Variants in ADCY2 observed in about 807,000 individuals in gnomAD.
ADCY2 encodes the protein adenylate cyclase 2.
In ADCY2, 31 loss-of-function variants were observed where a neutral mutation model predicts 125.2. The ratio of observed to expected loss-of-function variants is 0.25; its 90% CI spans 0.19 to 0.33. ADCY2 has a LOEUF of 0.33. Among genes scored for constraint, ADCY2 ranks in the 10% least tolerant of loss-of-function variants. The probability of loss-of-function intolerance (pLI) is 1.00; values close to 1 mark genes in which losing one functional copy is unlikely to be tolerated. For missense variants in ADCY2, 904 were observed against 1,418.2 expected (o/e 0.64, Z 5.82); for synonymous variants, 512 against 548.4 (o/e 0.93, Z 0.93).
intron 3 of ADCY2, among the ~76,000 whole-genome samples, chr5:7,599,567 T>C (rs1737126707): frequency 6.6e-6 from 1 of 152,130 alleles, no homozygotes; most frequent in Admixed American, 6.5e-5. Flanking sequence ...CTGGCTGTGA[T>C]TGATCATCTG....
intron 12 of ADCY2, among the ~76,000 whole-genome samples, chr5:7,723,898 G>A (rs544111316): frequency 1.4e-3 from 148 of 107,628 alleles, no homozygotes; most frequent in African/African-American, 5.7e-3. Flanking sequence ...TCCAGCCTGG[G>A]TGACAGAGTG....
chr5:7,634,885 T>C (rs1367743838), intron 4 of ADCY2, among the ~76,000 whole-genome samples: 1 of 152,038 alleles, frequency 6.6e-6, no homozygotes, highest in Non-Finnish European at 1.5e-5. Flanking sequence ...CAAAGCATGG[T>C]GGCTGGAGAA....
chr5:7,710,008 A>G (rs1165836934), intron 10 of ADCY2, among the ~76,000 whole-genome samples: 2 of 152,252 alleles, frequency 1.3e-5, no homozygotes, highest in Non-Finnish European at 2.9e-5. Context: ...TTTAGATTTT[A>G]AAACTATCTG....
chr5:7,475,531 G>A (rs777403953), intron 2 of ADCY2, among the ~76,000 whole-genome samples: 17 of 152,160 alleles, frequency 1.1e-4, no homozygotes, highest in African/African-American at 3.9e-4. Flanking sequence ...ACAGGCACGC[G>A]CCAACACGTC....
At chr5:7,516,556 G>A (rs1744260251) in intron 2 of ADCY2, among the ~76,000 whole-genome samples, 1 of 152,174 alleles carries the variant, frequency 6.6e-6, no homozygotes, top group Non-Finnish European at 1.5e-5. Flanking sequence ...TTCCATGGTT[G>A]CCAGGGAGGC....
chr5:7,409,634 C>T (rs1579413749), intron 1 of ADCY2, among the ~76,000 whole-genome samples: 1 of 152,150 alleles, frequency 6.6e-6, no homozygotes, highest in Non-Finnish European at 1.5e-5. Flanking sequence ...TATTGTTCCA[C>T]CTAATGGTTG....
chr5:7,504,989 C>T (rs1743752311), intron 2 of ADCY2, among the ~76,000 whole-genome samples: 1 of 151,988 alleles, frequency 6.6e-6, no homozygotes, highest in Non-Finnish European at 1.5e-5. Context: ...GTGATCCTCC[C>T]ACCCCAGCCT....
At chr5:7,443,161 A>G (rs904824450) in intron 2 of ADCY2, among the ~76,000 whole-genome samples, 1 of 151,966 alleles carries the variant, frequency 6.6e-6, no homozygotes, top group South Asian at 2.1e-4. Flanking sequence ...GCTCCATGTC[A>G]TTGTTTTCAT....
intron 2 of ADCY2, among the ~76,000 whole-genome samples, chr5:7,434,317 A>G (rs1740717180): frequency 6.6e-6 from 1 of 152,228 alleles, no homozygotes; most frequent in South Asian, 2.1e-4. Context: ...TTTTCATCCA[A>G]TGAAATACTA....
At chr5:7,666,330 G>A (rs1411515012) in intron 4 of ADCY2, among the ~76,000 whole-genome samples, 3 of 151,716 alleles carry the variant, frequency 2.0e-5, no homozygotes, top group African/African-American at 2.4e-5. Flanking sequence ...GTGCAGTGGC[G>A]CGATCTCGGC....
intron 15 of ADCY2, among the ~76,000 whole-genome samples, chr5:7,757,218 C>T (rs2126457776): frequency 6.6e-6 from 1 of 152,300 alleles, no homozygotes; most frequent in Non-Finnish European, 1.5e-5. Flanking sequence ...CATACAAGCA[C>T]ATTGTACCTT....
At chr5:7,726,848 C>T (rs865805658) in intron 13 of ADCY2, among the ~76,000 whole-genome samples, 18 of 152,308 alleles carry the variant, frequency 1.2e-4, no homozygotes, top group African/African-American at 4.3e-4. Flanking sequence ...GTCACAGGCG[C>T]GATTCACAGT....
chr5:7,608,444 T>C (rs1737460783), intron 3 of ADCY2, among the ~76,000 whole-genome samples: 1 of 152,046 alleles, frequency 6.6e-6, no homozygotes, highest in Non-Finnish European at 1.5e-5. Context: ...GGCGTGGTGG[T>C]GCATGTCTGT....
intron 22 of ADCY2, among the ~76,000 whole-genome samples, chr5:7,807,192 C>T (rs2126527156): frequency 6.6e-6 from 1 of 152,372 alleles, no homozygotes; most frequent in Middle Eastern, 3.4e-3. Flanking sequence ...TCTGCCTGTT[C>T]TTCCTGACCC....
At chr5:7,618,078 C>G (rs889004479) in intron 3 of ADCY2, among the ~76,000 whole-genome samples, 1 of 152,106 alleles carries the variant, frequency 6.6e-6, no homozygotes, top group Non-Finnish European at 1.5e-5. Flanking sequence ...ATTTGGAGTC[C>G]ATGACTGTTT....
At chr5:7,502,870 CTTTG>C in intron 2 of ADCY2, among the ~76,000 whole-genome samples, 1 of 152,258 alleles carries the variant, frequency 6.6e-6, no homozygotes, top group East Asian at 1.9e-4. Flanking sequence ...TAGCACGATG[CTTTG>C]CAGGCATCGT....
chr5:7,655,497 C>T (rs1171762033), intron 4 of ADCY2, among the ~76,000 whole-genome samples: 1 of 152,202 alleles, frequency 6.6e-6, no homozygotes, highest in African/African-American at 2.4e-5. Flanking sequence ...CAGCTGAAGC[C>T]AGGAGGCTGG....
intron 2 of ADCY2, 99 bp from the exon 3 acceptor site, chr5:7,520,639 C>G (rs1002303784): frequency 2.3e-6 from 3 of 1,312,260 alleles, no homozygotes; most frequent in Non-Finnish European, 3.2e-6. Flanking sequence ...ATGAGCATGT[C>G]TCATGCTGTT....
intron 4 of ADCY2, among the ~76,000 whole-genome samples, chr5:7,639,585 A>G (rs74642154): frequency 0.011 from 1,733 of 152,300 alleles, 36 homozygotes; most frequent in African/African-American, 0.037. Context: ...ACCCTTTAGC[A>G]TCTCCATTCG....
Sources: gnomAD v4.1 joint callset for allele counts (sites outside exome capture counted in the v4.1 genomes callset) on GRCh38, gnomAD v4.1.1 for gene constraint, MANE v1.5 for transcripts, NCBI Gene and HGNC (gene_info 2026-07-23, HGNC 2026-07-21) for gene names.